FER: variants seen among roughly 807,000 people sequenced by gnomAD.
The protein encoded by FER is tyrosine-protein kinase Fer.
A neutral mutation model predicts 111.0 loss-of-function variants in FER; 63 were observed. That is an observed-to-expected ratio of 0.57 (90% CI 0.46 to 0.70). FER has a LOEUF of 0.70. Ranked by LOEUF, FER falls within the 30% of genes least tolerant of loss-of-function variation. FER has a pLI of 0.00. For missense variants in FER, 914 were observed against 954.0 expected, an observed-to-expected ratio of 0.96 and a Z score of 0.55; for synonymous variants, 327 against 313.9, an observed-to-expected ratio of 1.04 and a Z score of -0.44.
At chr5:109,040,732 C>A (rs527650955) in intron 14 of FER, among the ~76,000 whole-genome samples, 1 of 152,072 alleles carries the variant, frequency 6.6e-6, no homozygotes, top group East Asian at 1.9e-4. Context: ...TACTGTTTAA[C>A]TTGAGAAAAA....
chr5:108,860,724 G>A (rs1178776125), intron 5 of FER, among the ~76,000 whole-genome samples: 1 of 152,172 alleles, frequency 6.6e-6, no homozygotes, highest in African/African-American at 2.4e-5. Flanking sequence ...TTGTGAAATT[G>A]AGCAGCGTAT....
At chr5:109,140,341 T>G (rs1006668760) in intron 17 of FER, among the ~76,000 whole-genome samples, 13 of 152,210 alleles carry the variant, frequency 8.5e-5, no homozygotes, top group Non-Finnish European at 1.6e-4. Context: ...AATTGGCATC[T>G]AACCACAGCA....
Position 109,078,476 on chromosome 5 carries a change from G to C in FER, c.1925-21920G>C, listed in dbSNP as rs538303159. ...CATTCCAGTTTCTTTTTCTTTCTCA[G>C]TCAACCTGGATAGATCTGGAGAATT... On this transcript the variant is annotated intron_variant, in intron 16 of 19. Transcript: ENST00000281092. Among the ~76,000 whole-genome samples the C allele has an allele frequency of 1.7e-3, 257 of 152,168 alleles. 1 individual carries two copies. Among genetic ancestry groups the C allele is most frequent in the Middle Eastern group, 0.01 (3 of 294 alleles).
chr5:109,187,507 C>G lies in FER; in HGVS notation c.2401C>G (p.Pro801Ala). ...KIMMKCWDYK[P>A]ENRPKFSELQ... ...CATGATGAAGTGTTGGGATTATAAA[C>G]CTGAAAATCGCCCTAAGTTCAGTGA... The change falls in exon 20 of 20, where the codon CCT (proline) becomes GCT (alanine). Residue 801 changes from proline (P) to alanine (A), a missense_variant. Pro to Ala is a conservative substitution (Grantham distance 27). Around this residue, in one of 3 missense-constraint regions of FER, gnomAD observed 134 missense variants for 149.4 expected, o/e 0.90. Coordinates refer to ENST00000281092, the MANE Select transcript of FER (RefSeq NM_005246.4). 2 of 1,614,076 alleles carry G rather than the reference C, an allele frequency of 1.2e-6. No individual in the cohort carries two copies. Among genetic ancestry groups the G allele is most frequent in the Non-Finnish European group, 1.7e-6 (2 of 1,179,984 alleles).
intron 2 of FER, among the ~76,000 whole-genome samples, chr5:108,771,348 T>G (rs1396550849): frequency 6.6e-6 from 1 of 152,206 alleles, no homozygotes; most frequent in Non-Finnish European, 1.5e-5. Flanking sequence ...CAGTTCTATT[T>G]TTTCCACTTT....
intron 13 of FER, among the ~76,000 whole-genome samples, chr5:109,000,619 C>G (rs1193206662): frequency 6.6e-6 from 1 of 152,002 alleles, no homozygotes; most frequent in African/African-American, 2.4e-5. Flanking sequence ...CAAACACATT[C>G]AAAAGCTAGC....
intron 17 of FER, among the ~76,000 whole-genome samples, chr5:109,142,425 A>C (rs954202450): frequency 2.0e-5 from 3 of 152,120 alleles, no homozygotes; most frequent in African/African-American, 7.2e-5. Context: ...AAATATACAA[A>C]CAGGCAGGCT....
At chr5:108,855,561 C>G (rs2150199226) in intron 5 of FER, among the ~76,000 whole-genome samples, 1 of 139,474 alleles carries the variant, frequency 7.2e-6, no homozygotes, top group South Asian at 2.2e-4. Flanking sequence ...GCGGAACTTG[C>G]AGTGAGCCAA....
chr5:109,169,930 T>G (rs1255142417), intron 17 of FER, among the ~76,000 whole-genome samples: 1 of 152,220 alleles, frequency 6.6e-6, no homozygotes, highest in Non-Finnish European at 1.5e-5. Flanking sequence ...AGTTAACCAC[T>G]GCAGAACATT....
Position 108,914,317 on chromosome 5 carries a change from G to A in FER, c.1236+16469G>A, listed in dbSNP as rs78463388. 3.7e-3 allele frequency among the ~76,000 whole-genome samples: 570 copies of A among 152,058 alleles called. 6 individuals are homozygous for A. Among genetic ancestry groups the A allele is most frequent in the Middle Eastern group, 0.014 (4 of 294 alleles). ...TGGCTATCTTTTCAGAATTATCTGG[G>A]AGAAGGAGGAGCTTTTTAAACCATA... On this transcript the variant is annotated intron_variant, in intron 10 of 19. Transcript: ENST00000281092.
At chr5:108,898,206 G>A (rs1033258452) in intron 10 of FER, among the ~76,000 whole-genome samples, 2 of 152,018 alleles carry the variant, frequency 1.3e-5, no homozygotes, top group African/African-American at 4.8e-5. Flanking sequence ...TTCTTAAGTA[G>A]AATCTTATTT....
At chr5:108,885,103 C>T (rs1179202344) in intron 9 of FER, among the ~76,000 whole-genome samples, 1 of 151,878 alleles carries the variant, frequency 6.6e-6, no homozygotes, top group Non-Finnish European at 1.5e-5. Context: ...TGAACTTTTT[C>T]CCTAAGTGAT....
intron 5 of FER, among the ~76,000 whole-genome samples, chr5:108,851,168 G>A (rs1010423669): frequency 6.6e-6 from 1 of 152,124 alleles, no homozygotes; most frequent in South Asian, 2.1e-4. Flanking sequence ...TAAAGACTGG[G>A]CAATTTACAA....
At chr5:108,873,607 A>C (rs1764817139) in intron 8 of FER, among the ~76,000 whole-genome samples, 1 of 152,284 alleles carries the variant, frequency 6.6e-6, no homozygotes, top group South Asian at 2.1e-4. Context: ...AGTTTTTCCT[A>C]GCAGCCTTAT....
intron 13 of FER, among the ~76,000 whole-genome samples, chr5:108,994,146 T>G (rs752551661): frequency 2.0e-4 from 30 of 152,222 alleles, no homozygotes; most frequent in Non-Finnish European, 3.8e-4. Flanking sequence ...CATATGTCAG[T>G]TTTTGCTCTT....
chr5:109,144,522 A>T (rs1226836505), intron 17 of FER, among the ~76,000 whole-genome samples: 2 of 152,162 alleles, frequency 1.3e-5, no homozygotes, highest in African/African-American at 4.8e-5. Context: ...TGTATATCAG[A>T]TGGTATCTAC....
intron 17 of FER, among the ~76,000 whole-genome samples, chr5:109,130,830 C>G (rs1456442808): frequency 6.6e-6 from 1 of 152,062 alleles, no homozygotes; most frequent in Non-Finnish European, 1.5e-5. Flanking sequence ...TCTGTGAGGA[C>G]AAGGGAATCC....
At chr5:108,785,322 G>C in intron 2 of FER, 1 of 559,636 alleles carries the variant, frequency 1.8e-6, no homozygotes, top group Non-Finnish European at 3.5e-6. Flanking sequence ...AACACCCTGT[G>C]CTTCAGCCCC....
At chr5:108,846,651 C>T (rs1333932276) in intron 5 of FER, among the ~76,000 whole-genome samples, 8 of 151,890 alleles carry the variant, frequency 5.3e-5, no homozygotes, top group Admixed American at 4.6e-4. Flanking sequence ...GGCGCGATCA[C>T]GGCCCACTGC....
Sources: gnomAD v4.1 joint callset for allele counts (sites outside exome capture counted in the v4.1 genomes callset) on GRCh38, gnomAD v4.1.1 for gene constraint, gnomAD v4.1.1 regional missense constraint, MANE v1.5 for transcripts, NCBI Gene and HGNC (gene_info 2026-07-23, HGNC 2026-07-21) for gene names.